The following LIMA1 variants were observed in gnomAD, a reference collection of about 807,000 sequenced individuals.
LIMA1 encodes LIM domain and actin binding 1.
In LIMA1, 52 loss-of-function variants were observed where a neutral mutation model predicts 62.6. The ratio of observed to expected loss-of-function variants is 0.83; its 90% CI spans 0.67 to 1.05. The LOEUF (loss-of-function observed/expected upper bound fraction) is 1.05, where lower values mean the gene tolerates loss of function less well. LIMA1 is among the 50% of genes least tolerant of loss of function. The pLI is 0.00. For missense variants in LIMA1, 780 were observed against 902.2 expected (o/e 0.86, Z 1.74); for synonymous variants, 302 against 317.8 (o/e 0.95, Z 0.53).
intron 3 of LIMA1, among the ~76,000 whole-genome samples, chr12:50,228,812 G>A (rs1490412661): frequency 2.0e-5 from 3 of 152,170 alleles, no homozygotes; most frequent in Middle Eastern, 3.2e-3. Flanking sequence ...TGCTTTTACT[G>A]TAGTCTTCCC....
In LIMA1 at chr12:50,248,650, A is replaced by G; in HGVS notation, c.102T>C (p.Ile34=). The change falls in exon 2 of 11, where the codon ATT becomes ATC. Residue 34 remains isoleucine (I), a synonymous_variant. Transcript: ENST00000341247. ...SLVNKNKSSA[I]VEIFSKYQKA... is the part of the protein sequence containing the mutation. ...GCACTTACTTGGAGAATATTTCCAC[A>G]ATAGCCGATGACTTGTTCTTGTTGA... 1 of 1,610,632 alleles carries G rather than the reference A, an allele frequency of 6.2e-7. No homozygotes were observed. The highest frequency in any genetic ancestry group is 8.5e-7 in the Non-Finnish European group (1 of 1,176,826).
chr12:50,279,561 A>G (rs1306611146), intron 1 of LIMA1, among the ~76,000 whole-genome samples: 2 of 152,172 alleles, frequency 1.3e-5, no homozygotes, highest in Non-Finnish European at 2.9e-5. Context: ...GCTATGGTGA[A>G]CCCGGCATTT....
At chr12:50,251,519 G>T (rs1161877977) in intron 1 of LIMA1, among the ~76,000 whole-genome samples, 1 of 151,650 alleles carries the variant, frequency 6.6e-6, no homozygotes, top group Non-Finnish European at 1.5e-5. Context: ...TACTTGAGAG[G>T]CTGAGGCAGG....
chr12:50,217,658 A>T, intron 4 of LIMA1: 1 of 214,568 alleles, frequency 4.7e-6, no homozygotes, highest in East Asian at 1.2e-4. Flanking sequence ...TGCGGGCTTC[A>T]TGACCTTGAT....
chr12:50,200,777 C>T lies in LIMA1; in HGVS notation c.972G>A (p.Lys324=), dbSNP rs183802719. 2 of 1,614,016 alleles carry T rather than the reference C, an allele frequency of 1.2e-6. No individual in the cohort carries two copies. Among genetic ancestry groups the T allele is most frequent in the South Asian group, 1.1e-5 (1 of 91,078 alleles). Residue 324 remains lysine, a splice_region_variant and synonymous_variant, in exon 7 of 11, where the codon AAG becomes AAA. Transcript: ENST00000341247. ...CTGGACATCAGACTTTTCAACCTAC[C>T]TTTTCCCCTTCCTGATGGGTGATGC... ...EVCITHQEGE[K]ISANENSLAV... is the part of the protein sequence containing the mutation.
chr12:50,181,486 T>C (rs879905356), intron 10 of LIMA1, among the ~76,000 whole-genome samples: 1 of 152,168 alleles, frequency 6.6e-6, no homozygotes, highest in Non-Finnish European at 1.5e-5. Flanking sequence ...TGAGGCAACA[T>C]AGAGAAAAAG....
At chr12:50,178,472 G>T (rs772191140) in intron 10 of LIMA1, among the ~76,000 whole-genome samples, 2 of 151,852 alleles carry the variant, frequency 1.3e-5, no homozygotes, top group East Asian at 3.9e-4. Context: ...ACTTGAACCC[G>T]GGAGGCAGAG....
chr12:50,272,273 G>C (rs971344674), intron 1 of LIMA1, among the ~76,000 whole-genome samples: 1 of 151,844 alleles, frequency 6.6e-6, no homozygotes, highest in Non-Finnish European at 1.5e-5. Context: ...CTCTAGGCAA[G>C]TTCTTTAATC....
At chr12:50,178,972 T>TTTTTC (rs1940424270) in intron 10 of LIMA1, among the ~76,000 whole-genome samples, 1 of 150,244 alleles carries the variant, frequency 6.7e-6, no homozygotes, top group South Asian at 2.1e-4. Context: ...ATATATTTTT[T>TTTTTC]TTTTCTTTTT....
intron 1 of LIMA1, among the ~76,000 whole-genome samples, chr12:50,281,763 A>G (rs1335538504): frequency 2.0e-5 from 3 of 152,210 alleles, no homozygotes; most frequent in Non-Finnish European, 4.4e-5. Context: ...GAAGAGAATC[A>G]CTCATTATTA....
chr12:50,257,142 G>A (rs1942006990), intron 1 of LIMA1, among the ~76,000 whole-genome samples: 1 of 152,008 alleles, frequency 6.6e-6, no homozygotes, highest in Non-Finnish European at 1.5e-5. Flanking sequence ...AATTATTACT[G>A]GTATTCTAAT....
intron 1 of LIMA1, among the ~76,000 whole-genome samples, chr12:50,263,168 AT>A (rs1216042816): frequency 6.6e-6 from 1 of 152,204 alleles, no homozygotes; most frequent in East Asian, 1.9e-4. Flanking sequence ...CTGTTGCTGA[AT>A]TTAAAATGCT....
chr12:50,212,129 A>AT (rs1941268370), intron 4 of LIMA1, among the ~76,000 whole-genome samples: 2 of 152,176 alleles, frequency 1.3e-5, no homozygotes, highest in Admixed American at 1.3e-4. Context: ...TTTTTTCTGT[A>AT]TTTTTTAAAA....
rs577308413 is a variant in LIMA1 at position 50,241,933 on chromosome 12, A to ATTTTTTTTTTTTT, written c.119+6687_119+6699dup. The stretch of plus-strand genomic sequence containing the variant: ...AATTTTGTTCCTCTTTCCTTCCCAG[A>ATTTTTTTTTTTTT]TTTTTTTTTTTTTTTTTTTTTTTTT... On this transcript the variant is annotated intron_variant, in intron 2 of 10. Coordinates refer to ENST00000341247, the MANE Select transcript of LIMA1 (RefSeq NM_016357.5). 6.6e-4 allele frequency among the ~76,000 whole-genome samples: 24 copies of ATTTTTTTTTTTTT among 36,434 alleles called. 4 individuals are homozygous for ATTTTTTTTTTTTT. The highest frequency in any genetic ancestry group is 8.9e-4 in the Non-Finnish European group (18 of 20,246). The allele number at this position is 36,434 out of a possible 152,430, so 23.9% of individuals were successfully genotyped here. A position where few individuals can be genotyped will look rare whatever the true frequency, so the allele number is the denominator to read the frequency against.
intron 1 of LIMA1, among the ~76,000 whole-genome samples, chr12:50,260,950 G>C (rs1479620760): frequency 2.1e-5 from 3 of 141,808 alleles, no homozygotes; most frequent in Non-Finnish European, 3.0e-5. Flanking sequence ...AAAAAAAAAG[G>C]AAGTCATTTA....
chr12:50,272,963 T>C (rs1186696031), intron 1 of LIMA1, among the ~76,000 whole-genome samples: 5 of 149,686 alleles, frequency 3.3e-5, no homozygotes, highest in African/African-American at 1.2e-4. Flanking sequence ...GGCAGGAGAA[T>C]GGCGTGAACC....
At chr12:50,197,073 CT>C (rs34487829) in intron 7 of LIMA1, among the ~76,000 whole-genome samples, 217 of 132,342 alleles carry the variant, frequency 1.6e-3, no homozygotes, top group Admixed American at 1.9e-3. Context: ...GTAATCTTTG[CT>C]TTTTTTTTTT....
intron 3 of LIMA1, among the ~76,000 whole-genome samples, chr12:50,226,681 A>T (rs1941532844): frequency 6.6e-6 from 1 of 152,118 alleles, no homozygotes; most frequent in African/African-American, 2.4e-5. Flanking sequence ...TCTACTACAA[A>T]TACAAAAATT....
intron 1 of LIMA1, among the ~76,000 whole-genome samples, chr12:50,257,247 T>A (rs554849719): frequency 6.6e-6 from 1 of 152,298 alleles, no homozygotes; most frequent in South Asian, 2.1e-4. Context: ...AACCATTTAC[T>A]TAGAAGATTT....
Sources: allele counts gnomAD v4.1 joint callset (sites outside exome capture counted in the v4.1 genomes callset), GRCh38; gene constraint gnomAD v4.1.1; transcripts MANE v1.5; gene names NCBI Gene and HGNC (gene_info 2026-07-23, HGNC 2026-07-21).